The following WWOX variants were observed in gnomAD, a reference collection of about 807,000 sequenced individuals.
The protein encoded by WWOX is WW domain-containing oxidoreductase.
In WWOX, 69 loss-of-function variants were observed where a neutral mutation model predicts 46.2. The observed-to-expected ratio is 1.49, with a 90% CI of 1.23 to 1.82. WWOX has a LOEUF of 1.82. Ranked by LOEUF, WWOX falls within the 40% of genes most tolerant of loss-of-function variation. WWOX has a pLI of 0.00. For missense variants in WWOX, 919 were observed against 542.6 expected (o/e 1.69, Z -6.89); for synonymous variants, 359 against 202.6 (o/e 1.77, Z -6.56).
intron 8 of WWOX, among the ~76,000 whole-genome samples, chr16:78,931,219 A>C (rs758107526): frequency 6.6e-6 from 1 of 152,198 alleles, no homozygotes; most frequent in Non-Finnish European, 1.5e-5. Flanking sequence ...GAAAACTGAC[A>C]AGACCCTGGA....
At chr16:78,594,996 G>A (rs891972842) in intron 8 of WWOX, among the ~76,000 whole-genome samples, 5 of 152,164 alleles carry the variant, frequency 3.3e-5, no homozygotes, top group Non-Finnish European at 5.9e-5. Context: ...GAAGACTTGT[G>A]GAAAAGGGAC....
At chr16:78,230,989 C>T (rs1461925021) in intron 5 of WWOX, among the ~76,000 whole-genome samples, 2 of 152,228 alleles carry the variant, frequency 1.3e-5, no homozygotes, top group Non-Finnish European at 2.9e-5. Context: ...TATTTACGCA[C>T]TGACTGTGGT....
chr16:78,233,861 C>T (rs758332454), intron 5 of WWOX, among the ~76,000 whole-genome samples: 2 of 152,106 alleles, frequency 1.3e-5, no homozygotes, highest in African/African-American at 4.8e-5. Flanking sequence ...ATGCAGTATG[C>T]CTCAGTCTCA....
At chr16:79,195,434 G>C (rs971111399) in intron 8 of WWOX, among the ~76,000 whole-genome samples, 1 of 152,180 alleles carries the variant, frequency 6.6e-6, no homozygotes, top group Non-Finnish European at 1.5e-5. Context: ...TGTTGCTTTG[G>C]TAGGGAGCTC....
chr16:78,466,331 A>T (rs564714437), intron 8 of WWOX, among the ~76,000 whole-genome samples: 1 of 151,682 alleles, frequency 6.6e-6, no homozygotes, highest in Non-Finnish European at 1.5e-5. Flanking sequence ...GCACCCGGCT[A>T]TTGGGTACAA....
chr16:78,395,969 G>A (rs1210155975), intron 6 of WWOX, among the ~76,000 whole-genome samples: 2 of 152,094 alleles, frequency 1.3e-5, no homozygotes, highest in African/African-American at 4.8e-5. Flanking sequence ...GATAAGTGAG[G>A]TACAGCAGGA....
intron 6 of WWOX, among the ~76,000 whole-genome samples, chr16:78,399,127 A>G (rs2082355634): frequency 1.3e-5 from 2 of 151,908 alleles, no homozygotes; most frequent in Non-Finnish European, 2.9e-5. Flanking sequence ...AAGTACAAGG[A>G]AGGGGATGGG....
intron 8 of WWOX, among the ~76,000 whole-genome samples, chr16:78,595,522 C>G (rs907536151): frequency 1.6e-4 from 24 of 152,224 alleles, no homozygotes; most frequent in African/African-American, 5.5e-4. Flanking sequence ...AAGACCACAT[C>G]TCTCAATGGT....
intron 8 of WWOX, among the ~76,000 whole-genome samples, chr16:78,499,920 A>T (rs2085019000): frequency 6.6e-6 from 1 of 152,184 alleles, no homozygotes; most frequent in Admixed American, 6.5e-5. Context: ...TTGCCTAAAT[A>T]GGATTAAGTA....
At chr16:78,262,549 ACCAGAGATGACAGGCC>A (rs1487878337) in intron 5 of WWOX, among the ~76,000 whole-genome samples, 1 of 152,200 alleles carries the variant, frequency 6.6e-6, no homozygotes, top group Non-Finnish European at 1.5e-5. Context: ...TCCTGTGGAC[ACCAGAGATGACAGGCC>A]CCTGTCCCCA....
intron 8 of WWOX, among the ~76,000 whole-genome samples, chr16:78,504,885 T>C (rs1180388639): frequency 6.6e-6 from 1 of 152,108 alleles, no homozygotes; most frequent in African/African-American, 2.4e-5. Context: ...CTGAGCAGTT[T>C]CGAAACCAAA....
At chr16:79,025,697 CAGGA>C in intron 8 of WWOX, among the ~76,000 whole-genome samples, 1 of 152,218 alleles carries the variant, frequency 6.6e-6, no homozygotes, top group Middle Eastern at 3.4e-3. Flanking sequence ...CACACAGATG[CAGGA>C]AACTAATATA....
At chr16:79,137,035 A>G (rs1056164001) in intron 8 of WWOX, among the ~76,000 whole-genome samples, 4 of 152,204 alleles carry the variant, frequency 2.6e-5, no homozygotes, top group African/African-American at 9.6e-5. Flanking sequence ...TTTTATTACC[A>G]TAAACTGCCA....
At chr16:78,228,105 C>T (rs1473508153) in intron 5 of WWOX, among the ~76,000 whole-genome samples, 2 of 152,054 alleles carry the variant, frequency 1.3e-5, no homozygotes, top group African/African-American at 4.8e-5. Flanking sequence ...GTCACAAATG[C>T]CTTGATGTCT....
rs563194956 is a variant in WWOX at position 78,902,187 on chromosome 16, C to T, written c.1057-309421C>T. On this transcript the variant is annotated intron_variant, in intron 8 of 8. Coordinates refer to ENST00000566780, the MANE Select transcript of WWOX (RefSeq NM_016373.4). ...AGAATCGGGCAGCCTGCAGCTGATCCGGTGGTGTCTGAAACCATCCTGTGT... is the reference window on the plus strand; with the variant it reads ...AGAATCGGGCAGCCTGCAGCTGATCTGGTGGTGTCTGAAACCATCCTGTGT... 2.8e-4 allele frequency among the ~76,000 whole-genome samples: 42 copies of T among 152,298 alleles called. No homozygotes were observed. In the South Asian group the frequency reaches 6.0e-3, roughly 22 times the overall value.
chr16:78,361,552 A>G (rs1456555567), intron 5 of WWOX, among the ~76,000 whole-genome samples: 2 of 151,988 alleles, frequency 1.3e-5, no homozygotes, highest in Non-Finnish European at 2.9e-5. Flanking sequence ...TACTCTTTTT[A>G]TAGTCAGTAA....
chr16:78,632,935 G>T (rs2046471390), intron 8 of WWOX, among the ~76,000 whole-genome samples: 1 of 151,886 alleles, frequency 6.6e-6, no homozygotes, highest in South Asian at 2.1e-4. Flanking sequence ...GTTGGAGAGG[G>T]ATCCAACATT....
At chr16:78,502,426 A>G (rs749952964) in intron 8 of WWOX, among the ~76,000 whole-genome samples, 1 of 152,220 alleles carries the variant, frequency 6.6e-6, no homozygotes, top group Non-Finnish European at 1.5e-5. Flanking sequence ...TCATATAAAT[A>G]GAGTGATATG....
intron 8 of WWOX, among the ~76,000 whole-genome samples, chr16:78,900,924 A>G (rs1478207702): frequency 6.6e-6 from 1 of 151,758 alleles, no homozygotes; most frequent in African/African-American, 2.4e-5. Flanking sequence ...ATTCTCTTTA[A>G]TGTTCTATTC....
Sources: gnomAD v4.1 joint callset for allele counts (sites outside exome capture counted in the v4.1 genomes callset) on GRCh38, gnomAD v4.1.1 for gene constraint, MANE v1.5 for transcripts, NCBI Gene and HGNC (gene_info 2026-07-23, HGNC 2026-07-21) for gene names.